CTBP2: variants seen among roughly 807,000 people sequenced by gnomAD.
The protein encoded by CTBP2 is C-terminal-binding protein 2.
Under a neutral mutation model 80.3 loss-of-function variants are expected in CTBP2, and 30 were observed. The observed-to-expected ratio is 0.37, with a 90% CI of 0.28 to 0.51. The LOEUF (loss-of-function observed/expected upper bound fraction) is 0.51, where lower values mean the gene tolerates loss of function less well. CTBP2 is among the 20% of genes least tolerant of loss of function. The pLI is 0.93. For missense variants in CTBP2, 1,212 were observed against 1,375.3 expected (o/e 0.88, Z 1.88); for synonymous variants, 594 against 587.4 (o/e 1.01, Z -0.16).
chr10:125,104,184 C>T (rs546269357), intron 2 of CTBP2, among the ~76,000 whole-genome samples: 3 of 152,262 alleles, frequency 2.0e-5, no homozygotes, highest in African/African-American at 7.2e-5. Context: ...CGGGGACATT[C>T]GATCCCAGCG....
intron 2 of CTBP2, among the ~76,000 whole-genome samples, chr10:125,074,621 A>G (rs1846012390): frequency 6.6e-6 from 1 of 152,254 alleles, no homozygotes; most frequent in Non-Finnish European, 1.5e-5. Flanking sequence ...GCTGGGTTAC[A>G]GGCATGAGCC....
At chr10:125,130,930 C>T (rs531835695) in intron 1 of CTBP2, among the ~76,000 whole-genome samples, 6 of 152,304 alleles carry the variant, frequency 3.9e-5, no homozygotes, top group African/African-American at 9.6e-5. Flanking sequence ...GTATCGCCTC[C>T]GACCCACTGT....
intron 2 of CTBP2, among the ~76,000 whole-genome samples, chr10:125,054,050 T>C (rs529187002): frequency 1.3e-5 from 2 of 152,040 alleles, no homozygotes; most frequent in Non-Finnish European, 2.9e-5. Context: ...GGGCCATGAA[T>C]TGAGGGCCAT....
upstream of CTBP2, among the ~76,000 whole-genome samples, chr10:125,161,866 G>A (rs1565084778): frequency 1.3e-5 from 2 of 152,214 alleles, no homozygotes; most frequent in South Asian, 2.1e-4. Context: ...GCGGCGGCCC[G>A]GAGCCCACGC....
intron 3 of CTBP2, chr10:125,001,106 T>C (rs4962414): frequency 0.95 from 144,374 of 152,394 alleles, 68,527 homozygotes; most frequent in Non-Finnish European, 0.98. Context: ...CCAGGCCCCC[T>C]GTCATTGAGG....
intron 1 of CTBP2, among the ~76,000 whole-genome samples, chr10:125,118,587 A>G (rs187439799): frequency 1.3e-5 from 2 of 152,254 alleles, no homozygotes; most frequent in Admixed American, 1.3e-4. Context: ...GGTGTGAGCA[A>G]CTGGACCTGA....
chr10:125,034,347 C>A (rs1210445517), intron 3 of CTBP2, among the ~76,000 whole-genome samples: 2 of 152,202 alleles, frequency 1.3e-5, no homozygotes, highest in African/African-American at 4.8e-5. Flanking sequence ...TGCAAAGAAC[C>A]GCACTTTTGT....
At position 125,059,906 on chromosome 10, in the gene CTBP2, G is replaced by A. The variant is rs184451640; in HGVS notation, c.-101-20751C>T. 5.2e-3 allele frequency among the ~76,000 whole-genome samples: 793 copies of A among 152,278 alleles called. 6 individuals carry two copies. The highest frequency in any genetic ancestry group is 0.01 in the Middle Eastern group (3 of 294). ...TCTGGCTTTGCTGATCTTTTGTGGG[G>A]AGACACTTAGGATGAAATGGGGTAA... is the stretch of plus-strand genomic sequence containing the variant. On this transcript the variant is annotated intron_variant, in intron 2 of 10. Transcript: ENST00000337195.
At chr10:125,137,959 G>A (rs755103485) in intron 1 of CTBP2, 24 of 152,208 alleles carry the variant, frequency 1.6e-4, no homozygotes, top group Non-Finnish European at 2.9e-4. Context: ...CCGCGGGAGG[G>A]GCACCTCTGC....
chr10:125,082,369 C>G (rs574531926), intron 2 of CTBP2, among the ~76,000 whole-genome samples: 1 of 152,350 alleles, frequency 6.6e-6, no homozygotes, highest in Non-Finnish European at 1.5e-5. Flanking sequence ...CTTCTGGCCT[C>G]TCTCTGGAGA....
intron 1 of CTBP2, among the ~76,000 whole-genome samples, chr10:125,144,800 TCACTGAG>T (rs1418283446): frequency 6.6e-6 from 1 of 152,258 alleles, no homozygotes; most frequent in Non-Finnish European, 1.5e-5. Context: ...ATAGTGTGCT[TCACTGAG>T]CAGTTCAGAT....
intron 3 of CTBP2, chr10:124,999,854 T>G (rs563032213): frequency 6.6e-6 from 1 of 152,356 alleles, no homozygotes; most frequent in East Asian, 1.9e-4. Context: ...CAATTTTCAT[T>G]CCTCGGGCAG....
At chr10:125,018,960 C>G (rs1360936717) in intron 1 of CTBP2, among the ~76,000 whole-genome samples, 1 of 152,236 alleles carries the variant, frequency 6.6e-6, no homozygotes, top group Non-Finnish European at 1.5e-5. Context: ...CTCAGGAGAA[C>G]ATGTCCCAGG....
upstream of CTBP2, among the ~76,000 whole-genome samples, chr10:125,031,726 G>T (rs1958240443): frequency 1.3e-5 from 2 of 152,318 alleles, no homozygotes; most frequent in Admixed American, 6.5e-5. Flanking sequence ...CATCGTTTCA[G>T]GTATCAAAGG....
chr10:125,054,713 A>G (rs985174631), intron 2 of CTBP2, among the ~76,000 whole-genome samples: 40 of 152,124 alleles, frequency 2.6e-4, no homozygotes, highest in Non-Finnish European at 4.4e-4. Context: ...ACAGTTCAAC[A>G]GAAAAGATAA....
Position 125,003,004 on chromosome 10 carries a change from C to T in CTBP2, c.1934G>A (p.Gly645Asp). 6.2e-7 allele frequency: 1 copy of T among 1,613,902 alleles called. No individual in the cohort carries two copies. The highest frequency in any genetic ancestry group is 8.5e-7 in the Non-Finnish European group (1 of 1,180,010). The change falls in exon 3 of 9, where the codon GGC becomes GAC. Residue 645 changes from glycine (G) to aspartate (D), a missense_variant. Transcript: ENST00000309035. ...GATGTCCACGTTGTCATAGCCACTGCCTATCCGCACGATCACTCTCAGGGC... is the reference window on the plus strand; with the variant it reads ...GATGTCCACGTTGTCATAGCCACTGTCTATCCGCACGATCACTCTCAGGGC...
chr10:125,005,614 C>T (rs749054086), intron 1 of CTBP2: 90 of 1,612,752 alleles, frequency 5.6e-5, no homozygotes, highest in Middle Eastern at 1.6e-4. Flanking sequence ...TCAGCTCATC[C>T]GCGAGATCCG....
At chr10:125,124,715 T>C (rs1854929250) in intron 1 of CTBP2, among the ~76,000 whole-genome samples, 1 of 152,188 alleles carries the variant, frequency 6.6e-6, no homozygotes, top group African/African-American at 2.4e-5. Context: ...TGATTAAACA[T>C]ATTTATGTCT....
At chr10:125,142,015 T>A (rs1459844912) in intron 1 of CTBP2, among the ~76,000 whole-genome samples, 1 of 151,970 alleles carries the variant, frequency 6.6e-6, no homozygotes, top group Admixed American at 6.5e-5. Context: ...TGGGACACAG[T>A]GTGGAGAGGC....
Sources: allele counts gnomAD v4.1 joint callset (sites outside exome capture counted in the v4.1 genomes callset), GRCh38; gene constraint gnomAD v4.1.1; transcripts MANE v1.5; gene names NCBI Gene and HGNC (gene_info 2026-07-23, HGNC 2026-07-21).